The following RANBP9 variants were observed in gnomAD, a reference collection of about 807,000 sequenced individuals.
RANBP9 encodes the protein ran-binding protein 9.
In RANBP9, 15 loss-of-function variants were observed where a neutral mutation model predicts 84.3. The observed-to-expected ratio is 0.18, with a 90% CI of 0.12 to 0.27. The LOEUF is 0.27. Ranked by LOEUF, RANBP9 falls within the 10% of genes least tolerant of loss-of-function variation. RANBP9 has a pLI of 1.00. For synonymous variants in RANBP9, 392 were observed against 349.6 expected, an observed-to-expected ratio of 1.12 and a Z score of -1.35; for missense variants, 809 against 912.8, an observed-to-expected ratio of 0.89 and a Z score of 1.46.
At chr6:13,666,592 C>T (rs542169767) in intron 2 of RANBP9, among the ~76,000 whole-genome samples, 8 of 85,254 alleles carry the variant, frequency 9.4e-5, no homozygotes, top group Admixed American at 2.9e-4. Context: ...CCTGGGACCC[C>T]GTCTCTCCAA....
At chr6:13,625,154 C>A (rs967638825) in intron 13 of RANBP9, among the ~76,000 whole-genome samples, 2 of 152,196 alleles carry the variant, frequency 1.3e-5, no homozygotes, top group Non-Finnish European at 2.9e-5. Context: ...CTGTTCCCTT[C>A]TAGCCTAACT....
At chr6:13,690,104 G>A (rs1766289084) in intron 2 of RANBP9, among the ~76,000 whole-genome samples, 1 of 152,134 alleles carries the variant, frequency 6.6e-6, no homozygotes, top group South Asian at 2.1e-4. Context: ...GTAGTTAAGT[G>A]ACATATGACT....
At chr6:13,681,689 C>G (rs1766041438) in intron 2 of RANBP9, among the ~76,000 whole-genome samples, 1 of 152,170 alleles carries the variant, frequency 6.6e-6, no homozygotes. Context: ...ACTTCCTCTA[C>G]TTACAGCCAA....
In RANBP9 at chr6:13,711,568, G is replaced by C. The variant is rs945266143; in HGVS notation, c.-63C>G. 5.0e-5 allele frequency: 61 copies of C among 1,228,878 alleles called. No individual in the cohort carries two copies. Among genetic ancestry groups the C allele is most frequent in the Non-Finnish European group, 6.1e-5 (60 of 979,352 alleles). The allele number at this position is 1,228,878 out of a possible 1,614,324, so 76.1% of individuals were successfully genotyped here. Reference sequence around the variant, plus strand: ...TCTCTCCTTCCTCCTCTGCTTCCCGGGGGCGCTGTCGCTGCGGCCGCCGGC... The same window carrying C: ...TCTCTCCTTCCTCCTCTGCTTCCCGCGGGCGCTGTCGCTGCGGCCGCCGGC... On this transcript the variant is annotated 5_prime_UTR_variant, in exon 1 of 14. Transcript: ENST00000011619.
intron 2 of RANBP9, among the ~76,000 whole-genome samples, chr6:13,672,859 A>C (rs947948644): frequency 2.0e-5 from 3 of 152,118 alleles, no homozygotes; most frequent in Non-Finnish European, 2.9e-5. Flanking sequence ...ACTAAAAAAA[A>C]CAACAATCAG....
chr6:13,696,265 A>G (rs548378661), intron 2 of RANBP9, among the ~76,000 whole-genome samples: 8 of 152,316 alleles, frequency 5.3e-5, no homozygotes, highest in African/African-American at 1.9e-4. Context: ...CTGAAAAGCA[A>G]TGATATAAAA....
intron 2 of RANBP9, among the ~76,000 whole-genome samples, chr6:13,693,082 G>C (rs1056162175): frequency 2.0e-5 from 3 of 152,104 alleles, no homozygotes; most frequent in Non-Finnish European, 2.9e-5. Context: ...ATGTAAAGGA[G>C]GCATAGAAAA....
chr6:13,673,028 C>A (rs1484137054), intron 2 of RANBP9, among the ~76,000 whole-genome samples: 2 of 151,994 alleles, frequency 1.3e-5, no homozygotes, highest in African/African-American at 4.8e-5. Context: ...AATGACAGAT[C>A]CCCCAAACCC....
At chr6:13,691,826 T>C (rs547041884) in intron 2 of RANBP9, among the ~76,000 whole-genome samples, 2 of 152,208 alleles carry the variant, frequency 1.3e-5, no homozygotes, top group African/African-American at 4.8e-5. Flanking sequence ...CCACCACGCC[T>C]GGCTAATTTT....
At chr6:13,675,133 A>G (rs1765860039) in intron 2 of RANBP9, among the ~76,000 whole-genome samples, 1 of 152,264 alleles carries the variant, frequency 6.6e-6, no homozygotes, top group Non-Finnish European at 1.5e-5. Flanking sequence ...CAGTAAACAT[A>G]TAGTCAAACT....
At chr6:13,705,627 C>G (rs188507946) in intron 1 of RANBP9, among the ~76,000 whole-genome samples, 69 of 151,806 alleles carry the variant, frequency 4.5e-4, no homozygotes, top group African/African-American at 1.6e-3. Flanking sequence ...TTTGGGAGGA[C>G]GAGGCGCGCA....
Position 13,622,296 on chromosome 6 carries a change from C to A in RANBP9, c.*66G>T. ...TTAAAAAATCTAAATTTCAAATCAG[C>A]AGAGCTGGTCTACTTCCATGTTGAC... On this transcript the variant is annotated 3_prime_UTR_variant, in exon 14 of 14. Transcript: ENST00000011619. 7.3e-7 allele frequency: 1 copy of A among 1,364,172 alleles called. No individual in the cohort carries two copies. Among genetic ancestry groups the A allele is most frequent in the East Asian group, 2.6e-5 (1 of 38,060 alleles). The allele number at this position is 1,364,172 out of a possible 1,614,324, so 84.5% of individuals were successfully genotyped here.
intron 12 of RANBP9, among the ~76,000 whole-genome samples, chr6:13,632,026 A>T (rs1764795941): frequency 6.6e-6 from 1 of 151,736 alleles, no homozygotes; most frequent in Admixed American, 6.6e-5. Flanking sequence ...TGCTCCTAGT[A>T]ACTGCTGATT....
At chr6:13,654,730 T>C (rs1765363192) in intron 4 of RANBP9, among the ~76,000 whole-genome samples, 2 of 152,226 alleles carry the variant, frequency 1.3e-5, no homozygotes. Flanking sequence ...TAAGTAGGTG[T>C]GGCTGGTTGC....
chr6:13,682,456 A>AT (rs1235977594), intron 2 of RANBP9, among the ~76,000 whole-genome samples: 353 of 148,184 alleles, frequency 2.4e-3, no homozygotes, highest in Middle Eastern at 0.021. Flanking sequence ...TTAATACATA[A>AT]TTTTTTTTTT....
chr6:13,700,998 C>G (rs1757956379), intron 1 of RANBP9, among the ~76,000 whole-genome samples: 1 of 152,158 alleles, frequency 6.6e-6, no homozygotes, highest in African/African-American at 2.4e-5. Context: ...ACACCGGTAT[C>G]TTCCTCCAGA....
intron 2 of RANBP9, among the ~76,000 whole-genome samples, chr6:13,689,238 C>T (rs1766267951): frequency 6.6e-6 from 1 of 151,544 alleles, no homozygotes; most frequent in Non-Finnish European, 1.5e-5. Flanking sequence ...ATCATCAAGG[C>T]TCTATAACAT....
At chr6:13,671,547 G>A (rs769375708) in intron 2 of RANBP9, among the ~76,000 whole-genome samples, 2 of 152,062 alleles carry the variant, frequency 1.3e-5, no homozygotes, top group Non-Finnish European at 2.9e-5. Context: ...AGAAACGAGA[G>A]GTCACATTTT....
intron 2 of RANBP9, among the ~76,000 whole-genome samples, chr6:13,688,156 TGA>T (rs1174819686): frequency 2.6e-5 from 4 of 152,316 alleles, no homozygotes; most frequent in East Asian, 1.9e-4. Flanking sequence ...TTTCACAGAC[TGA>T]GAGAGTCTGT....
Sources: allele counts gnomAD v4.1 joint callset (sites outside exome capture counted in the v4.1 genomes callset), GRCh38; gene constraint gnomAD v4.1.1; transcripts MANE v1.5; gene names NCBI Gene and HGNC (gene_info 2026-07-23, HGNC 2026-07-21).